The following MGAM2 variants were observed in gnomAD, a reference collection of about 807,000 sequenced individuals.
MGAM2 encodes the protein maltase-glucoamylase 2 (putative), also known as probable maltase-glucoamylase 2.
In MGAM2, 98 loss-of-function variants were observed where a neutral mutation model predicts 96.1. That is an observed-to-expected ratio of 1.02 (90% confidence interval 0.87 to 1.21). MGAM2 has a LOEUF of 1.21. Among genes scored for constraint, MGAM2 ranks in the 50% most tolerant of loss-of-function variants. The probability of loss-of-function intolerance (pLI) is 0.00; values close to 1 mark genes in which losing one functional copy is unlikely to be tolerated. For synonymous variants in MGAM2, 749 were observed against 414.8 expected (o/e 1.81, Z -9.79); for missense variants, 2,055 against 1,182.4 (o/e 1.74, Z -10.82).
intron 16 of MGAM2, 74 bp from the exon 17 acceptor site, chr7:142,154,655 T>C: frequency 1.5e-6 from 1 of 681,298 alleles, no homozygotes; most frequent in South Asian, 1.6e-5. Context: ...CTCTTTTCCC[T>C]TATCATATAA....
At chr7:142,119,843 A>G (rs1377051678) in intron 2 of MGAM2, among the ~76,000 whole-genome samples, 1 of 152,246 alleles carries the variant, frequency 6.6e-6, no homozygotes, top group African/African-American at 2.4e-5. Flanking sequence ...GGAAATGTTC[A>G]GAATAGGCAA....
chr7:142,165,052 C>T, intron 24 of MGAM2, 29 bp downstream of exon 24: 4 of 670,752 alleles, frequency 6.0e-6, no homozygotes, highest in Non-Finnish European at 1.1e-5. Context: ...CTGCAGGGCC[C>T]TTTCCAGAGG....
rs980554026 is a variant in MGAM2, at chr7:142,220,357, T to C, written c.5846T>C (p.Ile1949Thr). 1.1e-5 allele frequency: 8 copies of C among 702,406 alleles called. No homozygotes were observed. The highest frequency in any genetic ancestry group is 8.9e-5 in the South Asian group (6 of 67,580). 43.5% of individuals were successfully genotyped at this position (702,406 alleles called of 1,614,324 possible). A position where few individuals can be genotyped will look rare whatever the true frequency, so the allele number is the denominator to read the frequency against. The change falls in exon 48 of 48, where the codon ATT becomes ACT. Residue 1949 changes from isoleucine (I) to threonine (T), a missense_variant. Physicochemically the swap from Ile to Thr is moderately conservative, Grantham distance 89. Transcript: ENST00000477922. ...ITTTCFATST[I>T]GVTTNATVPD... ...ACCACATGTTTTGCAACAAGTACTA[T>C]TGGTGTTACAACTAATGCTACTGTT...
chr7:142,131,932 T>C lies in MGAM2; in HGVS notation c.422T>C (p.Ile141Thr). ...TCCCTTCTGTTTTTCTTTTGACAGATCACTGACTTTAATAACATACGCTAT... is the reference window on the plus strand; with the variant it reads ...TCCCTTCTGTTTTTCTTTTGACAGACCACTGACTTTAATAACATACGCTAT... ...YQTSNRFHFK[I>T]TDFNNIRYEV... The change falls in exon 6 of 48, where the codon ATC (isoleucine) becomes ACC (threonine). Residue 141 changes from isoleucine to threonine, a missense_variant and splice_region_variant. Coordinates refer to ENST00000477922, the MANE Select transcript of MGAM2 (RefSeq NM_001293626.2). 1 of 701,408 alleles carries C rather than the reference T, an allele frequency of 1.4e-6. No individual in the cohort carries two copies. The highest frequency in any genetic ancestry group is 2.6e-6 in the Non-Finnish European group (1 of 384,344). 43.4% of individuals were successfully genotyped at this position (701,408 alleles called of 1,614,324 possible).
At chr7:142,122,737 G>A (rs1794618608) in intron 3 of MGAM2, among the ~76,000 whole-genome samples, 1 of 152,190 alleles carries the variant, frequency 6.6e-6, no homozygotes, top group South Asian at 2.1e-4. Flanking sequence ...GTATGCCATA[G>A]TTTAACCATT....
intron 2 of MGAM2, among the ~76,000 whole-genome samples, chr7:142,119,652 T>G (rs1794497888): frequency 6.6e-6 from 1 of 152,100 alleles, no homozygotes; most frequent in African/African-American, 2.4e-5. Context: ...ACAACCCAAA[T>G]GTACATGAAC....
Position 142,115,296 on chromosome 7 carries a change from T to C in MGAM2, c.1-1578T>C, listed in dbSNP as rs111834589. ...TCAGTCGGCTTGCAGGCCCAGTTTATTTAGGAGATTATGAGCCTCGGTGGC... is the reference window on the plus strand; with the variant it reads ...TCAGTCGGCTTGCAGGCCCAGTTTACTTAGGAGATTATGAGCCTCGGTGGC... On this transcript the variant is annotated intron_variant, in intron 1 of 47. Coordinates refer to ENST00000477922, the MANE Select transcript of MGAM2 (RefSeq NM_001293626.2). Among the ~76,000 whole-genome samples, 16 of 152,324 alleles carry C rather than the reference T, an allele frequency of 1.1e-4. 1 individual carries two copies. The highest frequency in any genetic ancestry group is 3.6e-4 in the African/African-American group (15 of 41,576).
chr7:142,161,555 T>C (rs954108592), intron 22 of MGAM2, among the ~76,000 whole-genome samples: 18 of 152,208 alleles, frequency 1.2e-4, no homozygotes, highest in African/African-American at 4.3e-4. Flanking sequence ...GGAAGAAATA[T>C]CTAATTTGTA....
At chr7:142,152,440 AC>A (rs1336179221) in intron 15 of MGAM2, among the ~76,000 whole-genome samples, 2 of 152,036 alleles carry the variant, frequency 1.3e-5, no homozygotes, top group Non-Finnish European at 2.9e-5. Flanking sequence ...CCTATTTTTG[AC>A]AGTAAATTGT....
rs746342532 is a variant in MGAM2 at position 142,142,524 on chromosome 7, GTTT to G, written c.1318-1223_1318-1221del. 1.4e-4 allele frequency among the ~76,000 whole-genome samples: 11 copies of G among 78,904 alleles called. No homozygotes were observed. The South Asian group carries it at 4.4e-3, about 32-fold the overall frequency. The allele number at this position is 78,904 out of a possible 152,430, so 51.8% of individuals were successfully genotyped here. A position where few individuals can be genotyped will look rare whatever the true frequency, so the allele number is the denominator to read the frequency against. ...GTAGTGGAGGTGCATAGTGGTGTGT[GTTT>G]TTTTTTTTTTTTTTTTTTTTTGAGA... On this transcript the variant is annotated intron_variant, in intron 12 of 47. Transcript: ENST00000477922.
intron 32 of MGAM2, among the ~76,000 whole-genome samples, chr7:142,178,247 T>C (rs12056166): frequency 0.11 from 16,904 of 152,256 alleles, 992 homozygotes; most frequent in Admixed American, 0.14. Context: ...CCTTATATAT[T>C]CTGGATTTTA....
chr7:142,194,884 CT>C (rs1796983797), intron 37 of MGAM2, among the ~76,000 whole-genome samples: 1 of 152,068 alleles, frequency 6.6e-6, no homozygotes, highest in African/African-American at 2.4e-5. Flanking sequence ...TAAGCAAATA[CT>C]TGGATTGTAT....
chr7:142,165,234 A>T (rs947553542), intron 24 of MGAM2, among the ~76,000 whole-genome samples: 1 of 152,172 alleles, frequency 6.6e-6, no homozygotes, highest in Non-Finnish European at 1.5e-5. Flanking sequence ...AAATAGCGGG[A>T]GTCGGAACCC....
chr7:142,116,061 G>A (rs1196847156), intron 1 of MGAM2, among the ~76,000 whole-genome samples: 2 of 152,130 alleles, frequency 1.3e-5, no homozygotes, highest in East Asian at 1.9e-4. Flanking sequence ...ATGTAATAAT[G>A]TTAGATTTAC....
At chr7:142,178,368 T>C (rs914790875) in intron 32 of MGAM2, among the ~76,000 whole-genome samples, 10 of 152,200 alleles carry the variant, frequency 6.6e-5, no homozygotes, top group Non-Finnish European at 1.5e-4. Context: ...TTTAATTGGA[T>C]CCATTGTCAA....
Position 142,180,628 on chromosome 7 carries a change from C to T in MGAM2, c.3817-2638C>T, listed in dbSNP as rs1796509742. 2.0e-5 allele frequency among the ~76,000 whole-genome samples: 3 copies of T among 152,290 alleles called. No homozygotes were observed. The South Asian group carries it at 6.2e-4, about 32-fold the overall frequency. ...TTCATGGACAATATCTTCAAATATGCTTTCCAAATAATTTTTTGTTTCCCC... is the reference window on the plus strand; with the variant it reads ...TTCATGGACAATATCTTCAAATATGTTTTCCAAATAATTTTTTGTTTCCCC... On this transcript the variant is annotated intron_variant, in intron 32 of 47. Coordinates refer to ENST00000477922, the MANE Select transcript of MGAM2 (RefSeq NM_001293626.2).
chr7:142,135,836 C>CTT (rs145391878), intron 7 of MGAM2, among the ~76,000 whole-genome samples: 1 of 151,492 alleles, frequency 6.6e-6, no homozygotes, highest in Admixed American at 6.6e-5. Flanking sequence ...CAGTTTTAAG[C>CTT]TTTTTTTTAA....
intron 37 of MGAM2, among the ~76,000 whole-genome samples, chr7:142,190,406 G>C (rs1796835389): frequency 6.6e-6 from 1 of 151,454 alleles, no homozygotes; most frequent in Non-Finnish European, 1.5e-5. Flanking sequence ...CGAGTAGCTG[G>C]GATTACAGGC....
rs184187187 is a variant in MGAM2, at chr7:142,169,094, T to C, written c.3028-981T>C. Among the ~76,000 whole-genome samples the C allele has an allele frequency of 2.7e-3, 410 of 152,324 alleles. 4 individuals are homozygous for C. The highest frequency in any genetic ancestry group is 9.5e-3 in the African/African-American group (395 of 41,590). Reference sequence around the variant, plus strand: ...CTAACAAGCTCCCAGGCAATGCTGCTGCTTTGGGTCTAAGAAACATAATTT... The same window carrying C: ...CTAACAAGCTCCCAGGCAATGCTGCCGCTTTGGGTCTAAGAAACATAATTT... On this transcript the variant is annotated intron_variant, in intron 26 of 47. Coordinates refer to ENST00000477922, the MANE Select transcript of MGAM2 (RefSeq NM_001293626.2).
Sources: allele counts gnomAD v4.1 joint callset (sites outside exome capture counted in the v4.1 genomes callset), GRCh38; gene constraint gnomAD v4.1.1; transcripts MANE v1.5; gene names NCBI Gene and HGNC (gene_info 2026-07-23, HGNC 2026-07-21).